The following CTDSPL2 variants were observed in gnomAD, a reference collection of about 807,000 sequenced individuals.
The protein encoded by CTDSPL2 is CTD small phosphatase-like protein 2.
A neutral mutation model predicts 60.0 loss-of-function variants in CTDSPL2; 5 were observed. The ratio of observed to expected loss-of-function variants is 0.08; its 90% CI spans 0.04 to 0.18. The LOEUF (loss-of-function observed/expected upper bound fraction) is 0.18. Among genes scored for constraint, CTDSPL2 ranks in the 10% least tolerant of loss-of-function variants. The pLI, the probability that CTDSPL2 is intolerant of heterozygous loss-of-function variation, is 1.00. For missense variants in CTDSPL2, 370 were observed against 548.8 expected, an observed-to-expected ratio of 0.67 and a Z score of 3.26; for synonymous variants, 186 against 189.3, an observed-to-expected ratio of 0.98 and a Z score of 0.14.
intron 1 of CTDSPL2, among the ~76,000 whole-genome samples, chr15:44,457,784 G>A (rs1424645847): frequency 1.3e-5 from 2 of 152,100 alleles, no homozygotes; most frequent in African/African-American, 2.4e-5. Context: ...CCTAATTTTT[G>A]TATTTTTAGT....
In CTDSPL2 at chr15:44,527,895, C is replaced by T. The variant is rs551683051; in HGVS notation, c.*3721C>T. On this transcript the variant is annotated 3_prime_UTR_variant, in exon 13 of 13. Coordinates refer to ENST00000260327, the MANE Select transcript of CTDSPL2 (RefSeq NM_016396.3). ...TATTTTTTTAGTGCTGATGTCATTA[C>T]TTCTCATGTCTTCCCCTGAGTTGAA... 3 of 152,288 alleles carry T rather than the reference C, an allele frequency of 2.0e-5. No homozygotes were observed. The highest frequency in any genetic ancestry group is 2.1e-4 in the South Asian group (1 of 4,832). The allele number at this position is 152,288 out of a possible 1,614,324, so 9.4% of individuals were successfully genotyped here.
intron 11 of CTDSPL2, 82 bp downstream of exon 11, chr15:44,519,377 A>G: frequency 8.7e-7 from 1 of 1,143,594 alleles, no homozygotes; most frequent in Admixed American, 2.9e-5. Flanking sequence ...ATGATGGGAG[A>G]AGAAGAAGAG....
At chr15:44,438,491 C>T (rs186630578) in intron 1 of CTDSPL2, among the ~76,000 whole-genome samples, 27 of 152,022 alleles carry the variant, frequency 1.8e-4, no homozygotes, top group African/African-American at 6.5e-4. Flanking sequence ...TGATGATTGA[C>T]TATATAAGAT....
intron 8 of CTDSPL2, among the ~76,000 whole-genome samples, chr15:44,506,814 T>C (rs1401490563): frequency 6.6e-6 from 1 of 152,084 alleles, no homozygotes; most frequent in Non-Finnish European, 1.5e-5. Flanking sequence ...TCGCCCAGGC[T>C]GGAATGCAGT....
chr15:44,437,427 A>G (rs58758000), intron 1 of CTDSPL2, among the ~76,000 whole-genome samples: 1,603 of 152,338 alleles, frequency 0.011, 39 homozygotes, highest in African/African-American at 0.037. Context: ...TATTGTTAAT[A>G]CAAGGCAATT....
rs78404964 is a variant in CTDSPL2 at position 44,493,008 on chromosome 15, G to A, written c.691+2009G>A. ...GGAGAAAGGATTTCTGTAACTTAGC[G>A]GTTTCTAGAAGGGAAAATTAAGATA... On this transcript the variant is annotated intron_variant, in intron 5 of 12. Transcript: ENST00000260327. 5.4e-3 allele frequency among the ~76,000 whole-genome samples: 818 copies of A among 152,080 alleles called. 8 individuals carry two copies. Among genetic ancestry groups the A allele is most frequent in the East Asian group, 0.024 (125 of 5,172 alleles).
At chr15:44,523,585 G>A (rs2081824700) in intron 12 of CTDSPL2, among the ~76,000 whole-genome samples, 1 of 152,146 alleles carries the variant, frequency 6.6e-6, no homozygotes, top group Admixed American at 6.5e-5. Context: ...CAGCCTGGGT[G>A]AAAGAGCAAG....
intron 1 of CTDSPL2, among the ~76,000 whole-genome samples, chr15:44,435,915 A>G (rs928932433): frequency 6.6e-6 from 1 of 151,982 alleles, no homozygotes; most frequent in African/African-American, 2.4e-5. Flanking sequence ...CCAAGTTGAT[A>G]TTTTATATAA....
At chr15:44,505,238 C>T (rs1470942482) in intron 8 of CTDSPL2, among the ~76,000 whole-genome samples, 2 of 151,688 alleles carry the variant, frequency 1.3e-5, no homozygotes, top group African/African-American at 2.4e-5. Flanking sequence ...TCAAGACCAG[C>T]CTGGGCAATG....
At chr15:44,441,519 C>G (rs1177531908) in intron 1 of CTDSPL2, among the ~76,000 whole-genome samples, 1 of 152,202 alleles carries the variant, frequency 6.6e-6, no homozygotes, top group Non-Finnish European at 1.5e-5. Flanking sequence ...CATTCTCATG[C>G]TAATCCACAC....
Position 44,439,761 on chromosome 15 carries a change from C to G in CTDSPL2, c.-25+11989C>G, listed in dbSNP as rs540023354. On this transcript the variant is annotated intron_variant, in intron 1 of 12. Coordinates refer to ENST00000260327, the MANE Select transcript of CTDSPL2 (RefSeq NM_016396.3). Reference sequence around the variant, plus strand: ...ATTACCAACGTGAGGCTGTATATGTCTGTTTAAAACTGTTTCCTTTATATT... The same window carrying G: ...ATTACCAACGTGAGGCTGTATATGTGTGTTTAAAACTGTTTCCTTTATATT... Among the ~76,000 whole-genome samples the G allele has an allele frequency of 2.5e-3, 380 of 152,196 alleles. 1 individual carries two copies. Among genetic ancestry groups the G allele is most frequent in the Admixed American group, 4.3e-3 (66 of 15,272 alleles).
chr15:44,452,571 G>A (rs2080353589), intron 1 of CTDSPL2, among the ~76,000 whole-genome samples: 1 of 152,136 alleles, frequency 6.6e-6, no homozygotes, highest in Admixed American at 6.5e-5. Flanking sequence ...AGTGAAATCA[G>A]TGAGTCAAAG....
chr15:44,503,579 C>G (rs1457586603), intron 8 of CTDSPL2: 2 of 152,240 alleles, frequency 1.3e-5, no homozygotes, highest in Non-Finnish European at 2.9e-5. Flanking sequence ...CTTCCTCTGT[C>G]TCCATCAAGA....
rs757528266 is a variant in CTDSPL2, at chr15:44,456,853, CT to C, written c.-24-2126del. Among the ~76,000 whole-genome samples, 376 of 103,868 alleles carry C rather than the reference CT, an allele frequency of 3.6e-3. 2 individuals carry two copies. The highest frequency in any genetic ancestry group is 0.012 in the Middle Eastern group (2 of 172). The allele number at this position is 103,868 out of a possible 152,430, so 68.1% of individuals were successfully genotyped here. ...TGATGTTAGGGTGTCAGTTTTAGAT[CT>C]TTTTTTTTTTTCTTTTTTTTTTTGT... On this transcript the variant is annotated intron_variant, in intron 1 of 12. Coordinates refer to ENST00000260327, the MANE Select transcript of CTDSPL2 (RefSeq NM_016396.3).
intron 2 of CTDSPL2, among the ~76,000 whole-genome samples, chr15:44,467,232 G>C (rs965595933): frequency 1.3e-5 from 2 of 152,100 alleles, no homozygotes; most frequent in African/African-American, 4.8e-5. Flanking sequence ...GTTCTGTCTT[G>C]TTTTATGCAT....
At chr15:44,446,076 C>T (rs2080207793) in intron 1 of CTDSPL2, among the ~76,000 whole-genome samples, 1 of 151,798 alleles carries the variant, frequency 6.6e-6, no homozygotes, top group South Asian at 2.1e-4. Flanking sequence ...CAGGAGCCCA[C>T]CACCACGCCT....
At chr15:44,456,239 G>T (rs1449627189) in intron 1 of CTDSPL2, among the ~76,000 whole-genome samples, 1 of 152,172 alleles carries the variant, frequency 6.6e-6, no homozygotes, top group Non-Finnish European at 1.5e-5. Context: ...TTTGTATCAG[G>T]ATGATGCTGG....
At chr15:44,428,889 T>A (rs10851419) in intron 1 of CTDSPL2, among the ~76,000 whole-genome samples, 145,898 of 152,150 alleles carry the variant, frequency 0.96, 70,181 homozygotes, top group East Asian at 1. Context: ...TCCTTTTTTT[T>A]AAATTACATT....
At position 44,521,705 on chromosome 15, in the gene CTDSPL2, G is replaced by A. The variant is rs1047631096; in HGVS notation, c.1335+299G>A. On this transcript the variant is annotated intron_variant, in intron 12 of 12. Transcript: ENST00000260327. ...TGTAATCCCAGCACTTTGGGAGGCCGAGGCGGGCGGATCACGAGGTCAGGA... is the reference window on the plus strand; with the variant it reads ...TGTAATCCCAGCACTTTGGGAGGCCAAGGCGGGCGGATCACGAGGTCAGGA... Among the ~76,000 whole-genome samples the A allele has an allele frequency of 4.0e-5, 6 of 151,806 alleles. 1 individual carries two copies. Among genetic ancestry groups the A allele is most frequent in the South Asian group, 4.2e-4 (2 of 4,818 alleles).
Sources: allele counts gnomAD v4.1 joint callset (sites outside exome capture counted in the v4.1 genomes callset), GRCh38; gene constraint gnomAD v4.1.1; transcripts MANE v1.5; gene names NCBI Gene and HGNC (gene_info 2026-07-23, HGNC 2026-07-21).